The following OGT variants were observed in gnomAD, a reference collection of about 807,000 sequenced individuals.
OGT encodes UDP-N-acetylglucosamine--peptide N-acetylglucosaminyltransferase 110 kDa subunit.
OGT carries 3 observed loss-of-function variants against 75.8 expected under a neutral mutation model. The observed-to-expected ratio is 0.04, with a 90% CI of 0.02 to 0.10. The LOEUF is 0.10. OGT is among the 10% of genes least tolerant of loss of function. OGT has a pLI of 1.00. For missense variants in OGT, 260 were observed against 824.4 expected (o/e 0.32, Z 8.38); for synonymous variants, 257 against 289.7 (o/e 0.89, Z 1.15).
intron 19 of OGT, among the ~76,000 whole-genome samples, chrX:71,566,965 C>T (rs2040420799): frequency 8.9e-6 from 1 of 112,599 alleles, no homozygotes; most frequent in Non-Finnish European, 1.9e-5. Flanking sequence ...CAGCCCACTG[C>T]TTGTTTTTGT....
intron 2 of OGT, among the ~76,000 whole-genome samples, chrX:71,537,477 A>G (rs934948739): frequency 4.6e-5 from 5 of 109,769 alleles, no homozygotes; most frequent in Non-Finnish European, 7.6e-5. Flanking sequence ...AAATTTTTGT[A>G]TTTTTAGTGG....
chrX:71,535,292 A>C lies in OGT; in HGVS notation c.38-886A>C, dbSNP rs916413145. ...CTCCCTCCCTCCCAACGTTTTGACC[A>C]TTGCAGTTGCAGGTAACTGCCTGGC... is the stretch of plus-strand genomic sequence containing the variant. On this transcript the variant is annotated intron_variant, in intron 1 of 21. Coordinates refer to ENST00000373719, the MANE Select transcript of OGT (RefSeq NM_181672.3). 4.5e-5 allele frequency among the ~76,000 whole-genome samples: 5 copies of C among 111,637 alleles called. No homozygotes were observed. The East Asian group carries it at 1.4e-3, about 31-fold the overall frequency.
At chrX:71,556,125 G>A (rs757053294) in intron 8 of OGT, 31 bp downstream of exon 8, 1 of 1,194,524 alleles carries the variant, frequency 8.4e-7, no homozygotes, top group South Asian at 1.8e-5. Flanking sequence ...TGGGCATTTA[G>A]CATGATAGTA....
At chrX:71,568,896 A>AG (rs1294862474) in intron 21 of OGT, among the ~76,000 whole-genome samples, 1 of 111,299 alleles carries the variant, frequency 9.0e-6, no homozygotes, top group Non-Finnish European at 1.9e-5. Flanking sequence ...AACCAAAAAA[A>AG]GAACCTGAGG....
intron 5 of OGT, among the ~76,000 whole-genome samples, chrX:71,549,142 A>G (rs1260227873): frequency 1.9e-5 from 2 of 107,182 alleles, no homozygotes; most frequent in Non-Finnish European, 3.8e-5. Context: ...CTGTCTCTAC[A>G]AAAATGAGCT....
chrX:71,556,354 T>C (rs1045052091), intron 8 of OGT: 1 of 385,312 alleles, frequency 2.6e-6, no homozygotes, highest in African/African-American at 2.5e-5. Context: ...TCAAGAGAAG[T>C]TACTTATAAG....
intron 4 of OGT, chrX:71,546,209 A>G: frequency 1.3e-6 from 1 of 753,208 alleles, no homozygotes; most frequent in Non-Finnish European, 1.6e-6. Flanking sequence ...CCCATATTAC[A>G]GACTTGAGAC....
intron 19 of OGT, among the ~76,000 whole-genome samples, chrX:71,565,752 G>A (rs1336914821): frequency 1.8e-5 from 2 of 112,477 alleles, no homozygotes; most frequent in South Asian, 3.6e-4. Flanking sequence ...GTTGTAGCAC[G>A]AAAATAACCA....
chrX:71,548,917 TTAAAA>T (rs757940139), intron 5 of OGT, among the ~76,000 whole-genome samples: 13 of 111,462 alleles, frequency 1.2e-4, no homozygotes, highest in African/African-American at 3.6e-4. Context: ...AATGTTGGAA[TTAAAA>T]TAAAACTCAT....
At chrX:71,533,564 CTTTGTT>C (rs1478656914) in intron 1 of OGT, among the ~76,000 whole-genome samples, 3 of 111,852 alleles carry the variant, frequency 2.7e-5, no homozygotes, top group African/African-American at 9.8e-5. Flanking sequence ...GCCTTTCTTG[CTTTGTT>C]TTTATTTCGT....
Position 71,573,991 on chromosome X carries a change from C to G in OGT, c.*197C>G, listed in dbSNP as rs2040475596. The G allele has an allele frequency of 3.1e-6, 1 of 327,631 alleles. No homozygotes were observed. Among genetic ancestry groups the G allele is most frequent in the Admixed American group, 5.5e-5 (1 of 18,082 alleles). 27.0% of individuals were successfully genotyped at this position (327,631 alleles called of 1,213,427 possible). A position where few individuals can be genotyped will look rare whatever the true frequency, so the allele number is the denominator to read the frequency against. Reference sequence around the variant, plus strand: ...ACACAAAAGATGGGAAACTGCTTTTCCACAAGGAATCTCCGTAGAATTTTG... The same window carrying G: ...ACACAAAAGATGGGAAACTGCTTTTGCACAAGGAATCTCCGTAGAATTTTG... On this transcript the variant is annotated 3_prime_UTR_variant, in exon 22 of 22. Coordinates refer to ENST00000373719, the MANE Select transcript of OGT (RefSeq NM_181672.3).
chrX:71,547,347 C>T, intron 4 of OGT: 1 of 700,362 alleles, frequency 1.4e-6, no homozygotes, highest in Non-Finnish European at 1.7e-6. Flanking sequence ...AGAAGAGTTC[C>T]ATGGTCAACT....
chrX:71,549,092 C>T (rs1470661727), intron 5 of OGT, among the ~76,000 whole-genome samples: 1 of 108,147 alleles, frequency 9.2e-6, no homozygotes, highest in Non-Finnish European at 1.9e-5. Flanking sequence ...ATTGCTTGAG[C>T]TTAGGAGTTG....
chrX:71,534,329 G>A (rs1180048347), intron 1 of OGT: 1 of 111,154 alleles, frequency 9.0e-6, no homozygotes, highest in Non-Finnish European at 1.9e-5. Flanking sequence ...AGCTGCACAA[G>A]TACAAGGCGG....
intron 21 of OGT, among the ~76,000 whole-genome samples, chrX:71,571,407 A>T (rs1222501418): frequency 8.9e-6 from 1 of 111,762 alleles, no homozygotes; most frequent in African/African-American, 3.3e-5. Flanking sequence ...TTCAGTACAC[A>T]TATATTTTTT....
intron 21 of OGT, among the ~76,000 whole-genome samples, chrX:71,572,069 G>A (rs1033613213): frequency 2.7e-5 from 3 of 111,353 alleles, no homozygotes; most frequent in Middle Eastern, 4.6e-3. Context: ...GTGCCCAACC[G>A]AGAAATACCT....
At chrX:71,550,313 C>T (rs771114071) in intron 5 of OGT, among the ~76,000 whole-genome samples, 1 of 112,332 alleles carries the variant, frequency 8.9e-6, no homozygotes, top group Admixed American at 9.4e-5. Flanking sequence ...TTTTATTTTG[C>T]ATTTCCTTGA....
chrX:71,533,384 C>G lies in OGT; in HGVS notation c.37+48C>G, dbSNP rs2040148689. On this transcript the variant is annotated intron_variant, in intron 1 of 21. Coordinates refer to ENST00000373719, the MANE Select transcript of OGT (RefSeq NM_181672.3). ...TGGCAGATGCCCCCTTGGGGTCTCG[C>G]GCCGTCCTCTACCTTGTATCACTCC... 5 of 1,081,848 alleles carry G rather than the reference C, an allele frequency of 4.6e-6. No homozygotes were observed. The East Asian group carries it at 1.6e-4, about 35-fold the overall frequency. The allele number at this position is 1,081,848 out of a possible 1,213,427, so 89.2% of individuals were successfully genotyped here.
Position 71,533,136 on chromosome X carries a change from A to C in OGT, c.-164A>C. On this transcript the variant is annotated 5_prime_UTR_variant, in exon 1 of 22. The change abolishes the stop of an existing upstream ORF in the 5' untranslated region. Coordinates refer to ENST00000373719, the MANE Select transcript of OGT (RefSeq NM_181672.3). ...GACCGTACTAGGTAGATGGTCAATT[A>C]GAGTTCCCAGGGTTTGAAGCCTGTA... 1 of 486,319 alleles carries C rather than the reference A, an allele frequency of 2.1e-6. No homozygotes were observed. The highest frequency in any genetic ancestry group is 3.6e-6 in the Non-Finnish European group (1 of 276,941). 40.1% of individuals were successfully genotyped at this position (486,319 alleles called of 1,213,427 possible). A position where few individuals can be genotyped will look rare whatever the true frequency, so the allele number is the denominator to read the frequency against.
Sources: gnomAD v4.1 joint callset for allele counts (sites outside exome capture counted in the v4.1 genomes callset) on GRCh38, gnomAD v4.1.1 for gene constraint, MANE v1.5 for transcripts, NCBI Gene and HGNC (gene_info 2026-07-23, HGNC 2026-07-21) for gene names.